ARHGAP24: variants seen among roughly 807,000 people sequenced by gnomAD.
ARHGAP24 encodes rho GTPase-activating protein 24.
In ARHGAP24, 50 loss-of-function variants were observed where a neutral mutation model predicts 76.4. That is an observed-to-expected ratio of 0.65 (90% CI 0.52 to 0.83). The LOEUF is 0.83. ARHGAP24 is among the 40% of genes least tolerant of loss of function. The pLI, the probability that ARHGAP24 is intolerant of heterozygous loss-of-function variation, is 0.00. For missense variants in ARHGAP24, 930 were observed against 914.2 expected (o/e 1.02, Z -0.22); for synonymous variants, 345 against 323.3 (o/e 1.07, Z -0.72).
intron 3 of ARHGAP24, among the ~76,000 whole-genome samples, chr4:85,898,008 T>A (rs4498126): frequency 6.8e-6 from 1 of 146,338 alleles, no homozygotes; most frequent in African/African-American, 2.5e-5. Flanking sequence ...TATATACACA[T>A]ATATATATAC....
At chr4:85,970,111 G>A (rs1019757756) in intron 5 of ARHGAP24, among the ~76,000 whole-genome samples, 2 of 152,122 alleles carry the variant, frequency 1.3e-5, no homozygotes, top group African/African-American at 4.8e-5. Flanking sequence ...TACCCTGAAG[G>A]AGGTGAAGTC....
chr4:85,825,559 A>G (rs983032884), intron 3 of ARHGAP24, among the ~76,000 whole-genome samples: 1 of 152,248 alleles, frequency 6.6e-6, no homozygotes, highest in African/African-American at 2.4e-5. Context: ...TGTGTATGTT[A>G]CAAAAACCAG....
chr4:85,745,520 G>T (rs1455756293), intron 3 of ARHGAP24, among the ~76,000 whole-genome samples: 1 of 149,020 alleles, frequency 6.7e-6, no homozygotes, highest in East Asian at 1.9e-4. Context: ...CACTCCAGGA[G>T]TTCAAGGCTT....
chr4:85,655,961 TAA>T (rs2109986968), intron 2 of ARHGAP24, among the ~76,000 whole-genome samples: 1 of 152,004 alleles, frequency 6.6e-6, no homozygotes, highest in East Asian at 1.9e-4. Flanking sequence ...CAGCAACTGA[TAA>T]GTCACCTTTT....
chr4:85,907,140 A>G (rs1734812843), intron 3 of ARHGAP24, among the ~76,000 whole-genome samples: 1 of 152,184 alleles, frequency 6.6e-6, no homozygotes, highest in Non-Finnish European at 1.5e-5. Flanking sequence ...GAGCTCCCAT[A>G]TCAGAGTTTC....
At chr4:85,545,278 T>TTAC (rs1043666308) in intron 1 of ARHGAP24, among the ~76,000 whole-genome samples, 1 of 152,194 alleles carries the variant, frequency 6.6e-6, no homozygotes, top group Non-Finnish European at 1.5e-5. Flanking sequence ...TTTTGTATTT[T>TTAC]TAGTAGAGAC....
intron 2 of ARHGAP24, among the ~76,000 whole-genome samples, chr4:85,617,015 G>A (rs1720563399): frequency 6.7e-6 from 1 of 149,714 alleles, no homozygotes; most frequent in Non-Finnish European, 1.5e-5. Flanking sequence ...AAAGTAGTAG[G>A]AAAGCATAAC....
intron 4 of ARHGAP24, 97 bp downstream of exon 4, chr4:85,923,867 G>C: frequency 6.5e-7 from 1 of 1,537,144 alleles, no homozygotes; most frequent in South Asian, 1.1e-5. Flanking sequence ...CTGTATTCAA[G>C]TGGGTGAATG....
At chr4:85,976,441 A>G (rs1287391692) in intron 7 of ARHGAP24, among the ~76,000 whole-genome samples, 1 of 152,218 alleles carries the variant, frequency 6.6e-6, no homozygotes, top group Non-Finnish European at 1.5e-5. Flanking sequence ...TCTGTAAAAC[A>G]GAGACAATAA....
At chr4:85,650,667 G>A (rs151189488) in intron 2 of ARHGAP24, among the ~76,000 whole-genome samples, 1,724 of 149,290 alleles carry the variant, frequency 0.012, 136 homozygotes, top group Admixed American at 0.095. Context: ...TGCAATTTGT[G>A]AATATAACAA....
chr4:85,782,158 T>C (rs537902617), intron 3 of ARHGAP24, among the ~76,000 whole-genome samples: 16 of 152,234 alleles, frequency 1.1e-4, no homozygotes, highest in African/African-American at 3.9e-4. Context: ...GTTATTCCAA[T>C]TGAAACACCG....
At chr4:85,933,277 A>G (rs1270919024) in intron 4 of ARHGAP24, among the ~76,000 whole-genome samples, 3 of 152,108 alleles carry the variant, frequency 2.0e-5, no homozygotes, top group South Asian at 2.1e-4. Context: ...TGTAAAATAT[A>G]TATATTTTTT....
chr4:85,625,734 G>C (rs1720924855), intron 2 of ARHGAP24, among the ~76,000 whole-genome samples: 2 of 152,150 alleles, frequency 1.3e-5, no homozygotes, highest in African/African-American at 4.8e-5. Context: ...CTAAGGACTT[G>C]CTTTATGAAT....
At chr4:85,827,461 CGTGTGTGTGT>C (rs56379272) in intron 3 of ARHGAP24, among the ~76,000 whole-genome samples, 2,428 of 108,686 alleles carry the variant, frequency 0.022, 48 homozygotes, top group Admixed American at 0.051. Flanking sequence ...GAAGTCTGCC[CGTGTGTGTGT>C]GTGTGTGTGT....
chr4:85,981,535 C>A (rs1038171620), intron 8 of ARHGAP24, among the ~76,000 whole-genome samples: 16 of 152,116 alleles, frequency 1.1e-4, no homozygotes, highest in African/African-American at 3.9e-4. Context: ...TGTAAAGGAT[C>A]CATTCAGGTT....
chr4:85,724,147 C>T (rs984394908), intron 3 of ARHGAP24, among the ~76,000 whole-genome samples: 3 of 152,076 alleles, frequency 2.0e-5, no homozygotes, highest in Non-Finnish European at 4.4e-5. Context: ...GGCAGCAGAT[C>T]CTCATAAAGC....
intron 1 of ARHGAP24, 134 bp from the exon 2 acceptor site, chr4:85,570,388 T>TTCC: frequency 5.8e-5 from 1 of 17,264 alleles, no homozygotes; most frequent in Non-Finnish European, 1.1e-4. Context: ...CTTTCTTTCT[T>TTCC]TCTTTCTTTC....
At chr4:85,705,056 A>G (rs1049079016) in intron 2 of ARHGAP24, among the ~76,000 whole-genome samples, 5 of 152,100 alleles carry the variant, frequency 3.3e-5, no homozygotes, top group Non-Finnish European at 4.4e-5. Flanking sequence ...TAGTTCAGTT[A>G]ATGTGAGACC....
At chr4:85,729,478 C>T (rs7676486) in intron 3 of ARHGAP24, among the ~76,000 whole-genome samples, 22,945 of 152,048 alleles carry the variant, frequency 0.15, 2,386 homozygotes, top group East Asian at 0.55. Flanking sequence ...TCATTTCAAC[C>T]AACATACATT....
Sources: gnomAD v4.1 joint callset for allele counts (sites outside exome capture counted in the v4.1 genomes callset) on GRCh38, gnomAD v4.1.1 for gene constraint, MANE v1.5 for transcripts, NCBI Gene and HGNC (gene_info 2026-07-23, HGNC 2026-07-21) for gene names.